Variants in MYT1L observed in about 807,000 individuals in gnomAD.
MYT1L encodes the protein myelin transcription factor 1 like.
In MYT1L, 12 loss-of-function variants were observed where a neutral mutation model predicts 126.7. That is an observed-to-expected ratio of 0.09 (90% CI 0.06 to 0.15). MYT1L has a LOEUF of 0.15. Ranked by LOEUF, MYT1L falls within the 10% of genes least tolerant of loss-of-function variation. MYT1L has a pLI of 1.00. For synonymous variants in MYT1L, 541 were observed against 604.2 expected, an observed-to-expected ratio of 0.90 and a Z score of 1.53; for missense variants, 979 against 1,585.2, an observed-to-expected ratio of 0.62 and a Z score of 6.49.
At chr2:1,952,625 C>A (rs760751369) in intron 8 of MYT1L, among the ~76,000 whole-genome samples, 18 of 151,244 alleles carry the variant, frequency 1.2e-4, no homozygotes, top group Admixed American at 3.3e-4. Context: ...TGAACTAATG[C>A]GAACCCTTGT....
intron 18 of MYT1L, among the ~76,000 whole-genome samples, chr2:1,861,349 A>C (rs2044565949): frequency 6.6e-6 from 1 of 152,196 alleles, no homozygotes; most frequent in Admixed American, 6.5e-5. Flanking sequence ...TAGGAAAGGC[A>C]GGTCTTCCAG....
At chr2:2,206,459 A>G (rs1219044651) in intron 2 of MYT1L, among the ~76,000 whole-genome samples, 2 of 152,188 alleles carry the variant, frequency 1.3e-5, no homozygotes, top group Non-Finnish European at 2.9e-5. Context: ...CCACACTTCT[A>G]TATTGTACTG....
Position 1,957,541 on chromosome 2 carries a change from C to A in MYT1L, c.153-14207G>T, listed in dbSNP as rs996363432. Among the ~76,000 whole-genome samples the A allele has an allele frequency of 2.1e-4, 32 of 152,172 alleles. 1 individual carries two copies. The highest frequency in any genetic ancestry group is 7.2e-4 in the African/African-American group (30 of 41,442). On this transcript the variant is annotated intron_variant, in intron 8 of 24. Transcript: ENST00000647738. The stretch of plus-strand genomic sequence containing the variant: ...GTCATCTTTCTATCAATCTTCCCCA[C>A]TCTATCATCTCTCCCTCTCCCCATC...
At chr2:2,273,653 G>C (rs1008234244) in intron 2 of MYT1L, among the ~76,000 whole-genome samples, 1 of 152,302 alleles carries the variant, frequency 6.6e-6, no homozygotes, top group African/African-American at 2.4e-5. Flanking sequence ...AGGGTAGGGG[G>C]GCTGTGACCA....
intron 9 of MYT1L, among the ~76,000 whole-genome samples, chr2:1,928,328 C>T (rs557081184): frequency 1.2e-4 from 19 of 152,316 alleles, no homozygotes; most frequent in Admixed American, 5.2e-4. Context: ...AGTCTGGTCC[C>T]CTGATGACCC....
chr2:1,820,299 T>A (rs2038345531), intron 21 of MYT1L, among the ~76,000 whole-genome samples: 1 of 152,220 alleles, frequency 6.6e-6, no homozygotes, highest in Non-Finnish European at 1.5e-5. Context: ...TGCTGTTGAG[T>A]ACATCTCTTA....
intron 3 of MYT1L, among the ~76,000 whole-genome samples, chr2:2,143,942 T>G (rs991540283): frequency 7.5e-6 from 1 of 133,834 alleles, no homozygotes; most frequent in Non-Finnish European, 1.5e-5. Flanking sequence ...ATGGGAGCAA[T>G]AGACGCTGGG....
intron 8 of MYT1L, among the ~76,000 whole-genome samples, chr2:1,977,333 G>A (rs2060261635): frequency 6.6e-6 from 1 of 151,464 alleles, no homozygotes; most frequent in Admixed American, 6.6e-5. Flanking sequence ...GAGATCTCAT[G>A]AACAGATCCA....
At chr2:2,188,845 T>A (rs916996008) in intron 2 of MYT1L, among the ~76,000 whole-genome samples, 3 of 151,442 alleles carry the variant, frequency 2.0e-5, no homozygotes, top group African/African-American at 7.3e-5. Context: ...AGTTTTGAAA[T>A]CCACTTCCAA....
chr2:2,211,433 C>T (rs375190313), intron 2 of MYT1L, among the ~76,000 whole-genome samples: 22 of 152,102 alleles, frequency 1.4e-4, no homozygotes, highest in African/African-American at 4.8e-4. Context: ...TCTGTTAGTA[C>T]TCCTTTAGCC....
chr2:1,812,064 A>G (rs183122711), intron 21 of MYT1L, among the ~76,000 whole-genome samples: 1 of 152,296 alleles, frequency 6.6e-6, no homozygotes, highest in African/African-American at 2.4e-5. Flanking sequence ...CTGCCACTGG[A>G]CACACTGTGG....
intron 3 of MYT1L, among the ~76,000 whole-genome samples, chr2:2,061,014 A>G (rs1194248006): frequency 2.0e-5 from 3 of 152,076 alleles, no homozygotes; most frequent in Non-Finnish European, 4.4e-5. Flanking sequence ...TATACATTTT[A>G]CTGTAAATTG....
chr2:1,801,624 G>A lies in MYT1L; in HGVS notation c.3276+72C>T. 1.1e-6 allele frequency: 1 copy of A among 926,320 alleles called. No homozygotes were observed. The highest frequency in any genetic ancestry group is 1.5e-5 in the South Asian group (1 of 67,856). 57.4% of individuals were successfully genotyped at this position (926,320 alleles called of 1,614,324 possible). The stretch of plus-strand genomic sequence containing the variant: ...GGAAACGACAGCTCTCCTAAAAGCT[G>A]ATTTCATGCCATGTATCTCTGGTAT... On this transcript the variant is annotated intron_variant, in intron 23 of 24. Transcript: ENST00000647738. This position sits in a 1 kb window ranked among gnomAD's most constrained non-coding sequence, Gnocchi z 4.2.
At chr2:2,110,992 A>G (rs1001348554) in intron 3 of MYT1L, among the ~76,000 whole-genome samples, 8 of 152,138 alleles carry the variant, frequency 5.3e-5, no homozygotes, top group African/African-American at 1.4e-4. Flanking sequence ...ACAGCCAGCT[A>G]TGGGGCATGG....
chr2:2,155,493 A>C lies in MYT1L; in HGVS notation c.-304+17379T>G, dbSNP rs73176007. 3.3e-5 allele frequency among the ~76,000 whole-genome samples: 5 copies of C among 152,252 alleles called. No homozygotes were observed. In the South Asian group the frequency reaches 1.0e-3, roughly 32 times the overall value. ...CCAAACCAGAACTATGATGTATGTC[A>C]TCTCATCTATTCTCAGCACAATCCT... On this transcript the variant is annotated intron_variant, in intron 3 of 24. Coordinates refer to ENST00000647738, the MANE Select transcript of MYT1L (RefSeq NM_001303052.2).
intron 5 of MYT1L, among the ~76,000 whole-genome samples, chr2:1,980,266 A>G (rs1574189379): frequency 6.8e-6 from 1 of 147,628 alleles, no homozygotes; most frequent in South Asian, 2.1e-4. Flanking sequence ...TACAAGGAGA[A>G]TCTAAATATT....
At chr2:2,289,755 G>C (rs1458570074) in intron 1 of MYT1L, among the ~76,000 whole-genome samples, 3 of 152,178 alleles carry the variant, frequency 2.0e-5, no homozygotes, top group Admixed American at 6.5e-5. Flanking sequence ...ATACTTTAAA[G>C]CATTTGATAT....
At chr2:2,031,588 G>C (rs868631843) in intron 4 of MYT1L, among the ~76,000 whole-genome samples, 61 of 82,264 alleles carry the variant, frequency 7.4e-4, no homozygotes, top group Middle Eastern at 0.011. Flanking sequence ...CACACCCCTC[G>C]CCAGTGCCTC....
chr2:2,065,677 G>A (rs954861870), intron 3 of MYT1L, among the ~76,000 whole-genome samples: 3 of 152,190 alleles, frequency 2.0e-5, no homozygotes, highest in Non-Finnish European at 4.4e-5. Context: ...CAGAACAGCA[G>A]TGTCTCCATG....
Sources: gnomAD v4.1 joint callset for allele counts (sites outside exome capture counted in the v4.1 genomes callset) on GRCh38, gnomAD v4.1.1 for gene constraint, Gnocchi (gnomAD v3.1) non-coding constraint, MANE v1.5 for transcripts, NCBI Gene and HGNC (gene_info 2026-07-23, HGNC 2026-07-21) for gene names.